The following PDE1A variants were observed in gnomAD, a reference collection of about 807,000 sequenced individuals.
The protein encoded by PDE1A is phosphodiesterase 1A.
PDE1A carries 35 observed loss-of-function variants against 61.7 expected under a neutral mutation model. That is an observed-to-expected ratio of 0.57 (90% CI 0.43 to 0.75). PDE1A has a LOEUF of 0.75. Ranked by LOEUF, PDE1A falls within the 30% of genes least tolerant of loss-of-function variation. PDE1A has a pLI of 0.00. For synonymous variants in PDE1A, 232 were observed against 213.2 expected (o/e 1.09, Z -0.77); for missense variants, 597 against 630.6 (o/e 0.95, Z 0.57).
intron 7 of PDE1A, among the ~76,000 whole-genome samples, chr2:182,221,762 A>G (rs1275933104): frequency 5.3e-5 from 8 of 152,006 alleles, no homozygotes; most frequent in African/African-American, 1.7e-4. Context: ...GTGGGAGCAG[A>G]CTTATATAAG....
chr2:182,382,607 G>A (rs970234374), intron 1 of PDE1A, among the ~76,000 whole-genome samples: 1 of 151,950 alleles, frequency 6.6e-6, no homozygotes, highest in Non-Finnish European at 1.5e-5. Context: ...TAATAAATAG[G>A]TGTCATAAGC....
intron 1 of PDE1A, among the ~76,000 whole-genome samples, chr2:182,348,458 C>T (rs1389781425): frequency 2.6e-5 from 4 of 152,088 alleles, no homozygotes; most frequent in Non-Finnish European, 5.9e-5. Flanking sequence ...GCCCACATCA[C>T]CTAACAGGAA....
At chr2:182,668,639 T>C in the PDE1A span, among the ~76,000 whole-genome samples, 1 of 151,978 alleles carries the variant, frequency 6.6e-6, no homozygotes, top group African/African-American at 2.4e-5. Flanking sequence ...TCAGGTGAAA[T>C]ATGGCTTTAT....
At chr2:182,265,460 A>G (rs1201231532) in intron 1 of PDE1A, among the ~76,000 whole-genome samples, 2 of 152,014 alleles carry the variant, frequency 1.3e-5, no homozygotes, top group Non-Finnish European at 2.9e-5. Flanking sequence ...TACTGCACTC[A>G]TTTTTCACCT....
chr2:182,207,523 G>A (rs1252846712), intron 7 of PDE1A, among the ~76,000 whole-genome samples: 6 of 152,176 alleles, frequency 3.9e-5, no homozygotes. Flanking sequence ...CATAAAGAAA[G>A]AAATTACCTG....
chr2:182,662,282 A>C, the PDE1A span, among the ~76,000 whole-genome samples: 1 of 151,488 alleles, frequency 6.6e-6, no homozygotes, highest in East Asian at 1.9e-4. Flanking sequence ...GATAACTAAA[A>C]AACCTACATA....
At chr2:182,295,057 CTTTTTTTTTTTTT>C (rs11420821) in intron 1 of PDE1A, among the ~76,000 whole-genome samples, 8 of 59,350 alleles carry the variant, frequency 1.3e-4, no homozygotes, top group East Asian at 5.8e-4. Context: ...AAAAGGTAAT[CTTTTTTTTTTTTT>C]TTTTTTTTTT....
chr2:182,161,161 T>G (rs935649193), intron 13 of PDE1A, among the ~76,000 whole-genome samples: 3 of 152,134 alleles, frequency 2.0e-5, no homozygotes, highest in African/African-American at 4.8e-5. Context: ...CAGCTCCAGA[T>G]GCATATACAT....
chr2:182,634,149 C>T, the PDE1A span, among the ~76,000 whole-genome samples: 1 of 151,780 alleles, frequency 6.6e-6, no homozygotes, highest in African/African-American at 2.4e-5. Context: ...TTTTATCTGA[C>T]ACATCAGCAC....
chr2:182,239,704 G>C (rs538802345), intron 3 of PDE1A, among the ~76,000 whole-genome samples: 1 of 73,500 alleles, frequency 1.4e-5, no homozygotes, highest in South Asian at 5.1e-4. Context: ...TTAGGGCAGA[G>C]GAAGGCCTAA....
At chr2:182,249,741 C>CA (rs1225301076) in intron 2 of PDE1A, among the ~76,000 whole-genome samples, 2 of 15,106 alleles carry the variant, frequency 1.3e-4, no homozygotes, top group Non-Finnish European at 2.5e-4. Flanking sequence ...ACCCCCCCCC[C>CA]AAAAAAAACA....
chr2:182,226,689 A>G (rs1689169134), intron 6 of PDE1A, among the ~76,000 whole-genome samples: 1 of 149,810 alleles, frequency 6.7e-6, no homozygotes, highest in Non-Finnish European at 1.5e-5. Context: ...AGCACTGGTC[A>G]ATACAAATCC....
At chr2:182,648,676 G>A in the PDE1A span, among the ~76,000 whole-genome samples, 1 of 150,210 alleles carries the variant, frequency 6.7e-6, no homozygotes, top group Admixed American at 6.6e-5. Flanking sequence ...ACTCAGCCTG[G>A]GTGGCAGAGC....
chr2:182,180,851 A>G (rs1033757917), intron 13 of PDE1A, among the ~76,000 whole-genome samples: 9 of 150,156 alleles, frequency 6.0e-5, no homozygotes, highest in African/African-American at 2.0e-4. Flanking sequence ...TCAAATTCTG[A>G]TATCCTTTCT....
At chr2:182,595,255 C>CA in the PDE1A span, among the ~76,000 whole-genome samples, 16 of 152,002 alleles carry the variant, frequency 1.1e-4, no homozygotes, top group African/African-American at 3.4e-4. Context: ...GCAAATTTTA[C>CA]AAAAAACAAT....
At chr2:182,535,778 G>A in the PDE1A span, among the ~76,000 whole-genome samples, 1 of 152,014 alleles carries the variant, frequency 6.6e-6, no homozygotes, top group Admixed American at 6.6e-5. Context: ...TGTCCTTGAG[G>A]GCTATTATTA....
exon 1 of PDE1A, chr2:182,426,588 G>A: frequency 1.2e-6 from 2 of 1,609,368 alleles, no homozygotes; most frequent in Non-Finnish European, 8.5e-7. Context: ...CTAAAGATGG[G>A]TCTTTGGAGA....
the PDE1A span, among the ~76,000 whole-genome samples, chr2:182,650,031 A>G: frequency 3.3e-5 from 5 of 152,060 alleles, no homozygotes; most frequent in Non-Finnish European, 5.9e-5. Context: ...GTGAGCTGTG[A>G]TCATATCTAG....
chr2:182,379,421 C>A (rs1242746379), intron 1 of PDE1A, among the ~76,000 whole-genome samples: 1 of 152,184 alleles, frequency 6.6e-6, no homozygotes, highest in Non-Finnish European at 1.5e-5. Context: ...AGCACATGGC[C>A]CTTGCTGACA....
Sources: gnomAD v4.1 joint callset for allele counts (sites outside exome capture counted in the v4.1 genomes callset) on GRCh38, gnomAD v4.1.1 for gene constraint, MANE v1.5 for transcripts, NCBI Gene and HGNC (gene_info 2026-07-23, HGNC 2026-07-21) for gene names.